The following PCDHA1 variants were observed in gnomAD, a reference collection of about 807,000 sequenced individuals.
The protein encoded by PCDHA1 is protocadherin alpha 1.
Under a neutral mutation model 61.3 loss-of-function variants are expected in PCDHA1, and 42 were observed. That is an observed-to-expected ratio of 0.69 (90% CI 0.54 to 0.89). PCDHA1 has a LOEUF of 0.89. Among genes scored for constraint, PCDHA1 ranks in the 40% least tolerant of loss-of-function variants. PCDHA1 has a pLI of 0.00. For missense variants in PCDHA1, 1,256 were observed against 1,235.3 expected, an observed-to-expected ratio of 1.02 and a Z score of -0.25; for synonymous variants, 610 against 553.8, an observed-to-expected ratio of 1.10 and a Z score of -1.43.
intron 1 of PCDHA1, among the ~76,000 whole-genome samples, chr5:140,890,543 C>T (rs1388914629): frequency 6.6e-6 from 1 of 152,012 alleles, no homozygotes; most frequent in Non-Finnish European, 1.5e-5. Context: ...TTTGAAATGA[C>T]TGAGTACTTT....
intron 1 of PCDHA1, among the ~76,000 whole-genome samples, chr5:140,939,155 G>C (rs1279259680): frequency 6.6e-6 from 1 of 152,196 alleles, no homozygotes; most frequent in Non-Finnish European, 1.5e-5. Flanking sequence ...GGTCCTGGCA[G>C]ATTTGTGTCT....
chr5:140,806,072 A>T (rs1333046809), intron 1 of PCDHA1, among the ~76,000 whole-genome samples: 1 of 152,232 alleles, frequency 6.6e-6, no homozygotes, highest in South Asian at 2.1e-4. Context: ...CTGGTGCTGC[A>T]GTTTGTAAAA....
At chr5:140,958,192 C>G (rs1554223363) in intron 1 of PCDHA1, among the ~76,000 whole-genome samples, 1 of 151,790 alleles carries the variant, frequency 6.6e-6, no homozygotes, top group Non-Finnish European at 1.5e-5. Context: ...TGTTACTGGT[C>G]TAGTATACAA....
intron 3 of PCDHA1, among the ~76,000 whole-genome samples, chr5:140,985,476 T>C (rs1554247100): frequency 6.6e-6 from 1 of 152,162 alleles, no homozygotes; most frequent in Admixed American, 6.6e-5. Flanking sequence ...ATTTGGTTGT[T>C]TCCAGACTCA....
chr5:140,938,298 A>G (rs549354760), intron 1 of PCDHA1, among the ~76,000 whole-genome samples: 4 of 152,350 alleles, frequency 2.6e-5, no homozygotes, highest in African/African-American at 7.2e-5. Context: ...ATTGCCTATG[A>G]AATTCAGTAT....
At chr5:140,926,973 G>A in intron 1 of PCDHA1, 3 of 1,609,762 alleles carry the variant, frequency 1.9e-6, no homozygotes, top group African/African-American at 1.3e-5. Context: ...ACTCAGTGCC[G>A]GAGGAGACGG....
At chr5:140,994,759 G>C (rs1193190612) in intron 3 of PCDHA1, among the ~76,000 whole-genome samples, 3 of 152,130 alleles carry the variant, frequency 2.0e-5, no homozygotes, top group African/African-American at 7.2e-5. Flanking sequence ...ATGTGGAGAG[G>C]AAGAGAATTC....
chr5:140,794,787 C>T, intron 1 of PCDHA1: 2 of 675,502 alleles, frequency 3.0e-6, no homozygotes, highest in South Asian at 4.4e-5. Flanking sequence ...TCCTTTTAGC[C>T]ACATGATGTC....
chr5:140,978,377 G>A (rs1382683424), intron 1 of PCDHA1, among the ~76,000 whole-genome samples: 3 of 152,212 alleles, frequency 2.0e-5, no homozygotes, highest in Non-Finnish European at 4.4e-5. Context: ...GCAATAGTTT[G>A]TTTTCCTCTC....
intron 1 of PCDHA1, among the ~76,000 whole-genome samples, chr5:140,891,443 T>C (rs1181273099): frequency 6.7e-6 from 1 of 148,474 alleles, no homozygotes; most frequent in Non-Finnish European, 1.5e-5. Flanking sequence ...GTCCATTGTA[T>C]AGGATTTTTG....
chr5:140,883,503 C>T (rs782604086), intron 1 of PCDHA1: 7 of 1,614,204 alleles, frequency 4.3e-6, no homozygotes, highest in Non-Finnish European at 5.9e-6. Flanking sequence ...CTGGACAGCG[C>T]CCTGGACCGC....
At position 140,928,325 on chromosome 5, in the gene PCDHA1, G is replaced by A. The variant is rs1432328240; in HGVS notation, c.2395-50624G>A. 3.1e-6 allele frequency: 5 copies of A among 1,614,020 alleles called. No homozygotes were observed. The African/African-American group carries it at 6.7e-5, about 22-fold the overall frequency. ...CAGGACCCCGACCTGGGGAAGAATGGCCTTGTCTCTTATGAGCTGTTGGAT... is the reference window on the plus strand; with the variant it reads ...CAGGACCCCGACCTGGGGAAGAATGACCTTGTCTCTTATGAGCTGTTGGAT... On this transcript the variant is annotated intron_variant, in intron 1 of 3. Transcript: ENST00000504120.
intron 1 of PCDHA1, among the ~76,000 whole-genome samples, chr5:140,896,536 C>CTTTT (rs34213614): frequency 1.4e-5 from 2 of 145,620 alleles, no homozygotes; most frequent in Admixed American, 6.8e-5. Context: ...AGCTATTTTT[C>CTTTT]TTTTTTTTTT....
intron 1 of PCDHA1, among the ~76,000 whole-genome samples, chr5:140,897,927 C>T (rs2066407931): frequency 6.6e-6 from 1 of 152,196 alleles, no homozygotes. Context: ...ATTTGCGTTT[C>T]TCTGATGGCC....
chr5:140,883,447 C>T (rs967998655), intron 1 of PCDHA1: 13 of 1,614,168 alleles, frequency 8.1e-6, no homozygotes, highest in Non-Finnish European at 1.0e-5. Flanking sequence ...CGCCGCATGT[C>T]CCCTTCAAGC....
At chr5:140,894,066 A>G (rs997633914) in intron 1 of PCDHA1, among the ~76,000 whole-genome samples, 1 of 152,204 alleles carries the variant, frequency 6.6e-6, no homozygotes, top group Admixed American at 6.5e-5. Context: ...ATTTTTAAAT[A>G]CATTTATTTT....
chr5:140,867,344 C>G (rs2049899948), intron 1 of PCDHA1: 1 of 152,034 alleles, frequency 6.6e-6, no homozygotes, highest in South Asian at 2.1e-4. Flanking sequence ...TTAGAGGCTA[C>G]TATGATTGAT....
At chr5:140,803,050 C>T (rs376717092) in intron 1 of PCDHA1, 3 of 1,613,992 alleles carry the variant, frequency 1.9e-6, no homozygotes, top group Non-Finnish European at 2.5e-6. Flanking sequence ...ACCGGCGGTG[C>T]GCGCATCCCG....
intron 1 of PCDHA1, chr5:140,816,500 GGTGTGTTT>G (rs2126671911): frequency 7.9e-6 from 1 of 125,928 alleles, no homozygotes; most frequent in African/African-American, 3.1e-5. Context: ...GGTTTCTGGA[GGTGTGTTT>G]GTGTGTGTGT....
Sources: allele counts gnomAD v4.1 joint callset (sites outside exome capture counted in the v4.1 genomes callset), GRCh38; gene constraint gnomAD v4.1.1; transcripts MANE v1.5; gene names NCBI Gene and HGNC (gene_info 2026-07-23, HGNC 2026-07-21).